The following SORCS1 variants were observed in gnomAD, a reference collection of about 807,000 sequenced individuals.
The protein encoded by SORCS1 is sortilin related VPS10 domain containing receptor 1.
In SORCS1, 60 loss-of-function variants were observed where a neutral mutation model predicts 146.1. That is an observed-to-expected ratio of 0.41 (90% confidence interval 0.33 to 0.51). The LOEUF is 0.51. Among genes scored for constraint, SORCS1 ranks in the 20% least tolerant of loss-of-function variants. The probability of loss-of-function intolerance (pLI) is 0.21; values close to 1 mark genes in which losing one functional copy is unlikely to be tolerated. For missense variants in SORCS1, 1,352 were observed against 1,487.6 expected (o/e 0.91, Z 1.50); for synonymous variants, 637 against 584.0 (o/e 1.09, Z -1.31).
At chr10:106,611,873 A>T in intron 22 of SORCS1, 38 bp downstream of exon 22, 3 of 1,473,008 alleles carry the variant, frequency 2.0e-6, no homozygotes, top group Non-Finnish European at 2.8e-6. Flanking sequence ...ACAGAGAGAA[A>T]AGGTACCCGG....
intron 1 of SORCS1, among the ~76,000 whole-genome samples, chr10:106,962,675 T>C (rs1955293580): frequency 6.6e-6 from 1 of 152,176 alleles, no homozygotes; most frequent in African/African-American, 2.4e-5. Flanking sequence ...TTTGTATTTC[T>C]CTCAACCACT....
chr10:106,744,401 G>A (rs905963871), intron 5 of SORCS1, among the ~76,000 whole-genome samples: 1 of 152,040 alleles, frequency 6.6e-6, no homozygotes, highest in Non-Finnish European at 1.5e-5. Context: ...CACCGTGCCC[G>A]GCCATCATGT....
chr10:107,009,114 G>C (rs892957165), intron 1 of SORCS1, among the ~76,000 whole-genome samples: 2 of 152,066 alleles, frequency 1.3e-5, no homozygotes, highest in Non-Finnish European at 2.9e-5. Flanking sequence ...ATTCCACGTC[G>C]ATGCAAAAAA....
chr10:106,949,638 T>C (rs1010350359), intron 2 of SORCS1, among the ~76,000 whole-genome samples: 1 of 152,192 alleles, frequency 6.6e-6, no homozygotes, highest in Non-Finnish European at 1.5e-5. Flanking sequence ...CAGAATCACA[T>C]CAAAAGCCTA....
intron 5 of SORCS1, among the ~76,000 whole-genome samples, chr10:106,730,960 CCCCAGCCACTCAG>C (rs1264810060): frequency 1.3e-5 from 2 of 152,044 alleles, no homozygotes; most frequent in East Asian, 1.9e-4. Context: ...CTCTGCCTGC[CCCCAGCCACTCAG>C]CCCAGCCACT....
At chr10:106,659,550 T>A in intron 17 of SORCS1, among the ~76,000 whole-genome samples, 1 of 152,210 alleles carries the variant, frequency 6.6e-6, no homozygotes, top group African/African-American at 2.4e-5. Flanking sequence ...TTTCAATTGG[T>A]CATGGAAATG....
chr10:106,816,889 G>T (rs898118656), intron 3 of SORCS1, among the ~76,000 whole-genome samples: 3 of 152,180 alleles, frequency 2.0e-5, no homozygotes, highest in African/African-American at 7.2e-5. Context: ...AGGGGTAAAG[G>T]TCAGCTCTCT....
At chr10:106,844,720 A>C in intron 2 of SORCS1, among the ~76,000 whole-genome samples, 1 of 123,878 alleles carries the variant, frequency 8.1e-6, no homozygotes, top group African/African-American at 3.0e-5. Flanking sequence ...TCCCAATGCT[A>C]TCCCTCCCCC....
chr10:106,616,946 CTCTTTCTT>C (rs202060908), intron 21 of SORCS1, among the ~76,000 whole-genome samples: 1 of 8,564 alleles, frequency 1.2e-4, no homozygotes, highest in African/African-American at 1.6e-4. Context: ...CTCTCTCTTG[CTCTTTCTT>C]TTTTTTTTTT....
chr10:107,044,744 G>C (rs2134010687), intron 1 of SORCS1, among the ~76,000 whole-genome samples: 1 of 146,912 alleles, frequency 6.8e-6, no homozygotes, highest in African/African-American at 2.5e-5. Flanking sequence ...AATCGCTTGA[G>C]TAGGTTGCAG....
intron 2 of SORCS1, among the ~76,000 whole-genome samples, chr10:106,831,972 C>A (rs1377587697): frequency 6.6e-6 from 1 of 152,182 alleles, no homozygotes; most frequent in Non-Finnish European, 1.5e-5. Context: ...TAATCAAACA[C>A]ACATTAGCTT....
chr10:106,781,238 T>TG (rs1860872343), intron 3 of SORCS1, among the ~76,000 whole-genome samples: 1 of 152,242 alleles, frequency 6.6e-6, no homozygotes, highest in African/African-American at 2.4e-5. Flanking sequence ...TATTGGTTTA[T>TG]GTGGCGTGGA....
chr10:106,652,464 C>A lies in SORCS1; in HGVS notation c.2393G>T (p.Arg798Leu). ...ATCAGCCGTGACTATCCGCAGCCCCCGCGGGGCTTTCCCTGGGCACTTCTG... is the reference window on the plus strand; with the variant it reads ...ATCAGCCGTGACTATCCGCAGCCCCAGCGGGGCTTTCCCTGGGCACTTCTG... ...KPQKCPGKAP[R>L]GLRIVTADGK... The change falls in exon 18 of 26, where the codon CGG (arginine) becomes CTG (leucine). Residue 798 changes from arginine (R) to leucine (L), a missense_variant. Arg to Leu is a moderately radical substitution (Grantham distance 102). Around this residue, in one of 3 missense-constraint regions of SORCS1, gnomAD observed 648 missense variants for 793.8 expected, o/e 0.82. Transcript: ENST00000263054. The A allele has an allele frequency of 3.1e-6, 5 of 1,614,134 alleles. No individual in the cohort carries two copies. Among genetic ancestry groups the A allele is most frequent in the Non-Finnish European group, 3.4e-6 (4 of 1,180,000 alleles).
intron 1 of SORCS1, among the ~76,000 whole-genome samples, chr10:107,043,819 T>C (rs1002123188): frequency 2.6e-5 from 4 of 152,142 alleles, no homozygotes; most frequent in African/African-American, 9.7e-5. Context: ...CCCACTAAGA[T>C]AAAAAGCTCC....
At chr10:107,086,802 G>A (rs1021745326) in intron 1 of SORCS1, among the ~76,000 whole-genome samples, 2 of 152,358 alleles carry the variant, frequency 1.3e-5, no homozygotes, top group African/African-American at 4.8e-5. Context: ...GGCCAAGGCA[G>A]GTGGATCACC....
At chr10:107,127,170 A>G (rs751284297) in intron 1 of SORCS1, among the ~76,000 whole-genome samples, 1 of 152,200 alleles carries the variant, frequency 6.6e-6, no homozygotes, top group Non-Finnish European at 1.5e-5. Flanking sequence ...GTTTGCTGAT[A>G]AAGAGCTAGA....
the SORCS1 span, among the ~76,000 whole-genome samples, chr10:107,179,708 G>T: frequency 2.0e-5 from 3 of 152,050 alleles, no homozygotes; most frequent in Admixed American, 6.6e-5. Flanking sequence ...TGAAATCTGT[G>T]TATCTTCAGT....
intron 2 of SORCS1, among the ~76,000 whole-genome samples, chr10:106,924,466 GATCTATCTATCTATCTATCT>G (rs35692327): frequency 5.4e-4 from 71 of 130,664 alleles, no homozygotes; most frequent in African/African-American, 1.9e-3. Context: ...CACAGTTATC[GATCTATCTATCTATCTATCT>G]ATCTATCTAT....
chr10:107,077,414 C>A (rs1962982373), intron 1 of SORCS1, among the ~76,000 whole-genome samples: 1 of 151,604 alleles, frequency 6.6e-6, no homozygotes, highest in African/African-American at 2.4e-5. Flanking sequence ...ACTTACCTAT[C>A]ACCAGTTATT....
Sources: allele counts gnomAD v4.1 joint callset (sites outside exome capture counted in the v4.1 genomes callset), GRCh38; gene constraint gnomAD v4.1.1; regional missense constraint gnomAD v4.1.1; transcripts MANE v1.5; gene names NCBI Gene and HGNC (gene_info 2026-07-23, HGNC 2026-07-21).